Variants in KMT2C observed in about 807,000 individuals in gnomAD.
KMT2C encodes histone-lysine N-methyltransferase 2C.
A neutral mutation model predicts 507.9 loss-of-function variants in KMT2C; 88 were observed. The observed-to-expected ratio is 0.17, with a 90% CI of 0.15 to 0.21. The LOEUF (loss-of-function observed/expected upper bound fraction) is 0.21. Ranked by LOEUF, KMT2C falls within the 10% of genes least tolerant of loss-of-function variation. The pLI, the probability that KMT2C is intolerant of heterozygous loss-of-function variation, is 1.00. For synonymous variants in KMT2C, 2,049 were observed against 2,080.8 expected (o/e 0.98, Z 0.42); for missense variants, 4,954 against 5,957.8 (o/e 0.83, Z 5.55).
chr7:152,273,102 T>C (rs2096008284), intron 7 of KMT2C, among the ~76,000 whole-genome samples: 1 of 152,168 alleles, frequency 6.6e-6, no homozygotes, highest in Admixed American at 6.5e-5. Flanking sequence ...TAATTTCCTG[T>C]ATAATGTAAA....
chr7:152,429,559 C>G (rs1206358335), intron 1 of KMT2C, among the ~76,000 whole-genome samples: 1 of 151,390 alleles, frequency 6.6e-6, no homozygotes, highest in Non-Finnish European at 1.5e-5. Flanking sequence ...CTCACTCTGT[C>G]GCCCAGGCTG....
intron 44 of KMT2C, 22 bp downstream of exon 44, chr7:152,158,841 G>A (rs2129101350): frequency 1.2e-6 from 2 of 1,608,136 alleles, no homozygotes; most frequent in South Asian, 1.1e-5. Flanking sequence ...AAAAGAGGCT[G>A]CTCTAAATGA....
rs1249621681 is a variant in KMT2C at position 152,141,712 on chromosome 7, C to CAA, written c.14344-1923_14344-1922dup. On this transcript the variant is annotated intron_variant, in intron 55 of 58. Transcript: ENST00000262189. ...TGGGTGACAGAGGAAGACTCTGTCT[C>CAA]AAAAAAAAAAAAAAAAAAAATTCAT... Among the ~76,000 whole-genome samples, 200 of 61,854 alleles carry CAA rather than the reference C, an allele frequency of 3.2e-3. 3 individuals are homozygous for CAA. Among genetic ancestry groups the CAA allele is most frequent in the South Asian group, 0.01 (21 of 2,022 alleles). The allele number at this position is 61,854 out of a possible 152,430, so 40.6% of individuals were successfully genotyped here. A position where few individuals can be genotyped will look rare whatever the true frequency, so the allele number is the denominator to read the frequency against.
chr7:152,187,886 C>G, intron 31 of KMT2C, 39 bp from the exon 32 acceptor site: 1 of 1,607,654 alleles, frequency 6.2e-7, no homozygotes, highest in Non-Finnish European at 8.5e-7. Flanking sequence ...ATGATATTCA[C>G]AAGTAACAAG....
chr7:152,303,054 CCT>C, intron 6 of KMT2C, among the ~76,000 whole-genome samples: 1 of 152,160 alleles, frequency 6.6e-6, no homozygotes, highest in East Asian at 1.9e-4. Context: ...TTGGTAGCAC[CCT>C]GAGAGCTTCA....
intron 3 of KMT2C, among the ~76,000 whole-genome samples, chr7:152,319,306 A>G (rs572026391): frequency 8.5e-5 from 13 of 152,238 alleles, no homozygotes; most frequent in Non-Finnish European, 1.5e-5. Context: ...ATTACTCTTT[A>G]TTCCAATATT....
chr7:152,157,528 G>C (rs1181528861), intron 44 of KMT2C, among the ~76,000 whole-genome samples: 1 of 152,040 alleles, frequency 6.6e-6, no homozygotes, highest in African/African-American at 2.4e-5. Flanking sequence ...CACTACCATG[G>C]AAGTACATAA....
chr7:152,158,474 C>T (rs1462829423), intron 44 of KMT2C, among the ~76,000 whole-genome samples: 1 of 150,808 alleles, frequency 6.6e-6, no homozygotes, highest in Non-Finnish European at 1.5e-5. Flanking sequence ...GTCCAGATGT[C>T]TTTTAGCATT....
intron 3 of KMT2C, among the ~76,000 whole-genome samples, chr7:152,320,731 A>C (rs914850808): frequency 1.3e-5 from 2 of 151,994 alleles, no homozygotes; most frequent in Admixed American, 1.3e-4. Flanking sequence ...TAATTACCTG[A>C]GCATAATAAA....
chr7:152,331,493 T>C (rs2096882306), intron 2 of KMT2C, among the ~76,000 whole-genome samples: 1 of 151,440 alleles, frequency 6.6e-6, no homozygotes, highest in Non-Finnish European at 1.5e-5. Context: ...CCTGTAGTCC[T>C]AGCGACTCTG....
intron 1 of KMT2C, among the ~76,000 whole-genome samples, chr7:152,373,907 C>T (rs1434306877): frequency 6.6e-6 from 1 of 151,906 alleles, no homozygotes; most frequent in Admixed American, 6.6e-5. Context: ...AGGATATGAA[C>T]AACAAATTCA....
chr7:152,196,191 A>C (rs2093956089), intron 27 of KMT2C, among the ~76,000 whole-genome samples, 180 bp from the exon 28 acceptor site: 1 of 152,208 alleles, frequency 6.6e-6, no homozygotes, highest in South Asian at 2.1e-4. Context: ...GAATTACAAA[A>C]ATTTACTAAA....
At chr7:152,159,202 G>C in intron 43 of KMT2C, 130 bp from the exon 44 acceptor site, 1 of 732,274 alleles carries the variant, frequency 1.4e-6, no homozygotes, top group Non-Finnish European at 2.3e-6. Flanking sequence ...AGGGAAGATA[G>C]AGTGGTGTCA....
chr7:152,233,892 C>T (rs989252497), intron 16 of KMT2C, among the ~76,000 whole-genome samples: 1 of 152,208 alleles, frequency 6.6e-6, no homozygotes, highest in African/African-American at 2.4e-5. Context: ...ATCCCGTAAT[C>T]CCAGCACTTT....
intron 14 of KMT2C, among the ~76,000 whole-genome samples, chr7:152,243,402 TTATAA>T (rs1419542139): frequency 2.0e-5 from 3 of 152,240 alleles, no homozygotes; most frequent in Non-Finnish European, 2.9e-5. Flanking sequence ...AGTACTCTTC[TTATAA>T]TATAAAGTAA....
chr7:152,182,555 C>A lies in KMT2C; in HGVS notation c.5305G>T (p.Ala1769Ser). 6.3e-7 allele frequency: 1 copy of A among 1,594,916 alleles called. No individual in the cohort carries two copies. The highest frequency in any genetic ancestry group is 8.5e-7 in the Non-Finnish European group (1 of 1,171,112). The change falls in exon 36 of 59, where the codon GCC becomes TCC. Residue 1769 changes from alanine (A) to serine (S), a missense_variant. Ala to Ser is a moderately conservative substitution (Grantham distance 99). Transcript: ENST00000262189. ...TTCACCTGTTCAAGTTTCTGTGTGG[C>A]TTCAATTTTAGCTTGCTGCTTACTT... Reference protein sequence around the residue: ...QKSKQQAKIEATQKLEQVKNE... With the variant: ...QKSKQQAKIESTQKLEQVKNE...
intron 6 of KMT2C, among the ~76,000 whole-genome samples, chr7:152,289,452 A>G (rs1334145599): frequency 6.6e-6 from 1 of 152,246 alleles, no homozygotes; most frequent in Non-Finnish European, 1.5e-5. Context: ...TTGTTACACC[A>G]TAGTTTTTCT....
intron 1 of KMT2C, among the ~76,000 whole-genome samples, chr7:152,423,943 C>A (rs1228931269): frequency 6.6e-6 from 1 of 152,164 alleles, no homozygotes; most frequent in African/African-American, 2.4e-5. Flanking sequence ...ATAGCCCAAT[C>A]TACACTGTGA....
intron 14 of KMT2C, among the ~76,000 whole-genome samples, chr7:152,242,792 C>A (rs527464122): frequency 7.2e-5 from 11 of 152,044 alleles, no homozygotes; most frequent in Non-Finnish European, 1.6e-4. Flanking sequence ...CTCTTACAGC[C>A]CAAGAGTACT....
Sources: allele counts gnomAD v4.1 joint callset (sites outside exome capture counted in the v4.1 genomes callset), GRCh38; gene constraint gnomAD v4.1.1; transcripts MANE v1.5; gene names NCBI Gene and HGNC (gene_info 2026-07-23, HGNC 2026-07-21).